CDK6: variants seen among roughly 807,000 people sequenced by gnomAD.
The protein encoded by CDK6 is cyclin-dependent kinase 6.
CDK6 carries 6 observed loss-of-function variants against 37.1 expected under a neutral mutation model. The observed-to-expected ratio is 0.16, with a 90% CI of 0.09 to 0.32. The LOEUF (loss-of-function observed/expected upper bound fraction) is 0.32. CDK6 is among the 10% of genes least tolerant of loss of function. CDK6 has a pLI of 1.00. For missense variants in CDK6, 224 were observed against 418.9 expected, an observed-to-expected ratio of 0.53 and a Z score of 4.06; for synonymous variants, 160 against 161.3, an observed-to-expected ratio of 0.99 and a Z score of 0.06.
intron 4 of CDK6, among the ~76,000 whole-genome samples, chr7:92,695,556 A>T (rs1797697906): frequency 6.6e-6 from 1 of 152,224 alleles, no homozygotes; most frequent in African/African-American, 2.4e-5. Context: ...CCGCTAAATA[A>T]GCGTATCTGC....
At chr7:92,830,339 GA>G (rs1233431264) in intron 2 of CDK6, among the ~76,000 whole-genome samples, 3 of 152,134 alleles carry the variant, frequency 2.0e-5, no homozygotes, top group Non-Finnish European at 4.4e-5. Context: ...TTAAACTTTT[GA>G]AAAAACTAAT....
intron 2 of CDK6, among the ~76,000 whole-genome samples, chr7:92,781,408 T>A (rs1157889592): frequency 2.0e-5 from 3 of 152,250 alleles, no homozygotes; most frequent in Admixed American, 6.5e-5. Context: ...TTGTAATTCT[T>A]AATGACTACT....
chr7:92,781,579 C>A (rs947444875), intron 2 of CDK6, among the ~76,000 whole-genome samples: 1 of 152,158 alleles, frequency 6.6e-6, no homozygotes, highest in Non-Finnish European at 1.5e-5. Flanking sequence ...ACAAGCCCTG[C>A]CTTTCTATTG....
Position 92,836,533 on chromosome 7 carries a change from C to G in CDK6, c.-423G>C, listed in dbSNP as rs558980512. ...AGGGGGCTGCGAGTGTCAGTCGGCT[C>G]TCCGCACGTGTCCGCGGCCTCGCGG... On this transcript the variant is annotated 5_prime_UTR_variant, in exon 1 of 8. Coordinates refer to ENST00000424848, the MANE Select transcript of CDK6 (RefSeq NM_001145306.2). The G allele has an allele frequency of 3.5e-4, 53 of 152,130 alleles. No homozygotes were observed. Among genetic ancestry groups the G allele is most frequent in the African/African-American group, 1.2e-3 (51 of 41,500 alleles). 9.4% of individuals were successfully genotyped at this position (152,130 alleles called of 1,614,324 possible). A position where few individuals can be genotyped will look rare whatever the true frequency, so the allele number is the denominator to read the frequency against.
In CDK6 at chr7:92,833,308, G is replaced by A. The variant is rs556194182; in HGVS notation, c.16C>T (p.Leu6=). Reference sequence around the variant, plus strand: ...TCGTACTGCTGGTCAGCGCGGCACAGGCCGTCCTTCTCCATGCCGCCTGGA... The same window carrying A: ...TCGTACTGCTGGTCAGCGCGGCACAAGCCGTCCTTCTCCATGCCGCCTGGA... MEKDG[L]CRADQQYECV... is the part of the protein sequence containing the mutation. Residue 6 remains leucine (L), a synonymous_variant, in exon 2 of 8, where the codon CTG becomes TTG. Transcript: ENST00000424848. This position sits in a 1 kb window ranked among gnomAD's most constrained non-coding sequence, Gnocchi z 6.1. 2 of 1,596,842 alleles carry A rather than the reference G, an allele frequency of 1.3e-6. No homozygotes were observed. Among genetic ancestry groups the A allele is most frequent in the East Asian group, 2.3e-5 (1 of 43,332 alleles).
Position 92,657,105 on chromosome 7 carries a change from TA to T in CDK6, c.647+14320del, listed in dbSNP as rs111745062. Among the ~76,000 whole-genome samples the T allele has an allele frequency of 4.1e-3, 594 of 145,838 alleles. 1 individual carries two copies. Among genetic ancestry groups the T allele is most frequent in the African/African-American group, 8.5e-3 (340 of 39,986 alleles). The stretch of plus-strand genomic sequence containing the variant: ...TAAATAAATGTGTATGTTTTTCTCT[TA>T]AAAAAAAAAAGAATTGGCTTTCAAT... On this transcript the variant is annotated intron_variant, in intron 5 of 7. Transcript: ENST00000424848.
In CDK6 at chr7:92,608,142, T is replaced by C. The variant is rs1255417996; in HGVS notation, c.*6998A>G. On this transcript the variant is annotated 3_prime_UTR_variant, in exon 8 of 8. Coordinates refer to ENST00000424848, the MANE Select transcript of CDK6 (RefSeq NM_001145306.2). ...CAGAGAGTTAGAAATTAAATAATTG[T>C]GTGGCTCTATGTGTGCTGATTAGTG... 1 of 232,740 alleles carries C rather than the reference T, an allele frequency of 4.3e-6. No individual in the cohort carries two copies. The highest frequency in any genetic ancestry group is 2.2e-5 in the African/African-American group (1 of 45,306). 14.4% of individuals were successfully genotyped at this position (232,740 alleles called of 1,614,324 possible).
Position 92,612,944 on chromosome 7 carries a change from C to CA in CDK6, c.*2195dup, listed in dbSNP as rs1274924982. 4.3e-6 allele frequency: 1 copy of CA among 232,942 alleles called. No individual in the cohort carries two copies. The highest frequency in any genetic ancestry group is 8.5e-6 in the Non-Finnish European group (1 of 117,978). The allele number at this position is 232,942 out of a possible 1,614,324, so 14.4% of individuals were successfully genotyped here. Reference sequence around the variant, plus strand: ...TTTTGACCCTCGATCAAAGGAAAGGCAGAACTCACTTTTCCATGTGAGACT... The same window carrying CA: ...TTTTGACCCTCGATCAAAGGAAAGGCAAGAACTCACTTTTCCATGTGAGACT... On this transcript the variant is annotated 3_prime_UTR_variant, in exon 8 of 8. Transcript: ENST00000424848.
chr7:92,654,492 T>C (rs1170336666), intron 5 of CDK6, among the ~76,000 whole-genome samples: 1 of 152,226 alleles, frequency 6.6e-6, no homozygotes, highest in East Asian at 1.9e-4. Flanking sequence ...TAATGGTCTC[T>C]GAGTAGCTTA....
chr7:92,725,451 G>A (rs1197973329), intron 4 of CDK6, 175 bp downstream of exon 4: 2 of 684,402 alleles, frequency 2.9e-6, no homozygotes, highest in Non-Finnish European at 3.6e-6. Context: ...GGATGTGACT[G>A]TAGCTGTAAG....
At chr7:92,755,560 T>A (rs1799296170) in intron 3 of CDK6, among the ~76,000 whole-genome samples, 1 of 152,120 alleles carries the variant, frequency 6.6e-6, no homozygotes, top group South Asian at 2.1e-4. Context: ...AACAATGTGG[T>A]GCGCACAAAC....
chr7:92,688,868 C>T lies in CDK6; in HGVS notation c.538-17333G>A, dbSNP rs778966266. On this transcript the variant is annotated intron_variant, in intron 4 of 7. Transcript: ENST00000424848. The stretch of plus-strand genomic sequence containing the variant: ...AACCACATTCCCTCTAAAGAGGTCA[C>T]GCAGTCACATTTCCATTTGTTGTGA... 5.9e-5 allele frequency among the ~76,000 whole-genome samples: 9 copies of T among 152,242 alleles called. 1 individual carries two copies. The highest frequency in any genetic ancestry group is 1.5e-5 in the Non-Finnish European group (1 of 68,018).
intron 3 of CDK6, among the ~76,000 whole-genome samples, chr7:92,771,732 T>C (rs983547518): frequency 6.6e-6 from 1 of 152,212 alleles, no homozygotes; most frequent in Non-Finnish European, 1.5e-5. Context: ...TCAATAAATA[T>C]CTGTACGAGT....
chr7:92,720,155 G>A (rs1367783669), intron 4 of CDK6, among the ~76,000 whole-genome samples: 1 of 152,130 alleles, frequency 6.6e-6, no homozygotes, highest in Non-Finnish European at 1.5e-5. Flanking sequence ...GTCAAAATGT[G>A]GCATGAGCTA....
chr7:92,671,829 G>A (rs938078405), intron 4 of CDK6, among the ~76,000 whole-genome samples: 2 of 150,868 alleles, frequency 1.3e-5, no homozygotes, highest in East Asian at 1.9e-4. Context: ...CTTAGAAACC[G>A]TTTTTTTTCT....
rs543710852 is a variant in CDK6, at chr7:92,787,624, G to T, written c.234-12793C>A. ...AAAATAATATGTATGCATTACTGCCGCATTAAAGTATGTGCTTTTCAATCC... is the reference window on the plus strand; with the variant it reads ...AAAATAATATGTATGCATTACTGCCTCATTAAAGTATGTGCTTTTCAATCC... On this transcript the variant is annotated intron_variant, in intron 2 of 7. Coordinates refer to ENST00000424848, the MANE Select transcript of CDK6 (RefSeq NM_001145306.2). 1.5e-3 allele frequency among the ~76,000 whole-genome samples: 230 copies of T among 152,068 alleles called. 2 individuals are homozygous for T. The highest frequency in any genetic ancestry group is 5.1e-3 in the African/African-American group (211 of 41,492).
intron 2 of CDK6, among the ~76,000 whole-genome samples, chr7:92,827,952 A>G (rs929064448): frequency 2.6e-5 from 4 of 152,126 alleles, no homozygotes; most frequent in Non-Finnish European, 4.4e-5. Context: ...TTTAAGTATT[A>G]TGATGTTTTT....
chr7:92,606,644 T>TG lies in CDK6; in HGVS notation c.*8495_*8496insC, dbSNP rs896747372. The stretch of plus-strand genomic sequence containing the variant: ...GTCAAATTTCCAAATTAGATTTTTT[T>TG]TTTTTACTTTCAAAACATTTTCTAT... On this transcript the variant is annotated 3_prime_UTR_variant, in exon 8 of 8. Transcript: ENST00000424848. 178 of 232,076 alleles carry TG rather than the reference T, an allele frequency of 7.7e-4. No individual in the cohort carries two copies. The highest frequency in any genetic ancestry group is 4.9e-4 in the Non-Finnish European group (58 of 117,974). The allele number at this position is 232,076 out of a possible 1,614,324, so 14.4% of individuals were successfully genotyped here.
At chr7:92,718,237 G>A (rs1798278226) in intron 4 of CDK6, among the ~76,000 whole-genome samples, 1 of 152,218 alleles carries the variant, frequency 6.6e-6, no homozygotes, top group Non-Finnish European at 1.5e-5. Flanking sequence ...GATGTTGAGA[G>A]GGGAAGGAGT....
Sources: gnomAD v4.1 joint callset for allele counts (sites outside exome capture counted in the v4.1 genomes callset) on GRCh38, gnomAD v4.1.1 for gene constraint, Gnocchi (gnomAD v3.1) non-coding constraint, MANE v1.5 for transcripts, NCBI Gene and HGNC (gene_info 2026-07-23, HGNC 2026-07-21) for gene names.